SENP7: variants seen among roughly 807,000 people sequenced by gnomAD.
SENP7 encodes SUMO specific peptidase 7.
A neutral mutation model predicts 141.2 loss-of-function variants in SENP7; 64 were observed. The observed-to-expected ratio is 0.45, with a 90% CI of 0.37 to 0.56. SENP7 has a LOEUF of 0.56. Among genes scored for constraint, SENP7 ranks in the 20% least tolerant of loss-of-function variants. The pLI is 0.00. For missense variants in SENP7, 1,025 were observed against 1,212.2 expected, an observed-to-expected ratio of 0.85 and a Z score of 2.29; for synonymous variants, 382 against 426.4, an observed-to-expected ratio of 0.90 and a Z score of 1.28.
At chr3:101,512,939 A>C in intron 1 of SENP7, 152 bp downstream of exon 1, 33 of 806,310 alleles carry the variant, frequency 4.1e-5, no homozygotes, top group Non-Finnish European at 6.3e-5. Flanking sequence ...GGCGGGGGCG[A>C]CCCGGGAGCC....
chr3:101,426,404 A>G (rs1419289491), intron 4 of SENP7, among the ~76,000 whole-genome samples: 1 of 152,232 alleles, frequency 6.6e-6, no homozygotes, highest in Admixed American at 6.5e-5. Flanking sequence ...ACAGTATTCA[A>G]TGTTCTTAAA....
At chr3:101,499,098 CTCTGTAAAATT>C (rs1170183485) in intron 2 of SENP7, among the ~76,000 whole-genome samples, 1 of 152,022 alleles carries the variant, frequency 6.6e-6, no homozygotes, top group Non-Finnish European at 1.5e-5. Context: ...TTTACAGGAA[CTCTGTAAAATT>C]TCTGTAACTT....
intron 6 of SENP7, among the ~76,000 whole-genome samples, chr3:101,375,624 C>T (rs2060306250): frequency 6.6e-6 from 1 of 150,944 alleles, no homozygotes; most frequent in Admixed American, 6.6e-5. Flanking sequence ...AGGTATATAC[C>T]CAAAGGAATT....
chr3:101,485,874 T>G lies in SENP7; in HGVS notation c.186+7999A>C, dbSNP rs375595840. On this transcript the variant is annotated intron_variant, in intron 3 of 23. Transcript: ENST00000394095. ...GAAATCCAAAAAATGATACAAGAAG[T>G]GAAGGGAGAAATATTCAAGGAAATA... Among the ~76,000 whole-genome samples, 28 of 151,352 alleles carry G rather than the reference T, an allele frequency of 1.8e-4. No individual in the cohort carries two copies. In the South Asian group the frequency reaches 5.6e-3, roughly 31 times the overall value.
chr3:101,458,231 T>C (rs912020734), intron 4 of SENP7, among the ~76,000 whole-genome samples: 1 of 152,242 alleles, frequency 6.6e-6, no homozygotes, highest in Admixed American at 6.5e-5. Flanking sequence ...AGAATTAGAC[T>C]AAGTAGTTTA....
chr3:101,447,115 A>G (rs10936631), intron 4 of SENP7, among the ~76,000 whole-genome samples: 60,352 of 152,058 alleles, frequency 0.4, 12,494 homozygotes, highest in Admixed American at 0.54. Context: ...ATCAACAACT[A>G]TATGCTAAAA....
chr3:101,384,949 T>C (rs1293334608), intron 6 of SENP7, among the ~76,000 whole-genome samples: 2 of 152,190 alleles, frequency 1.3e-5, no homozygotes, highest in Admixed American at 1.3e-4. Context: ...GTATTGGGTA[T>C]TTCACTAATA....
At chr3:101,493,595 G>A (rs1285979369) in intron 3 of SENP7, among the ~76,000 whole-genome samples, 5 of 150,952 alleles carry the variant, frequency 3.3e-5, no homozygotes, top group Admixed American at 6.7e-5. Flanking sequence ...AAACATTATC[G>A]TTTTAGTAAA....
intron 4 of SENP7, among the ~76,000 whole-genome samples, chr3:101,445,674 A>G (rs917539642): frequency 6.6e-6 from 1 of 152,186 alleles, no homozygotes; most frequent in African/African-American, 2.4e-5. Context: ...ACATAAACTG[A>G]AAGTGAAGGG....
At chr3:101,374,327 T>C (rs2060259327) in intron 6 of SENP7, among the ~76,000 whole-genome samples, 1 of 152,142 alleles carries the variant, frequency 6.6e-6, no homozygotes. Flanking sequence ...AACACCTAAA[T>C]ATAAGGCAGA....
intron 4 of SENP7, among the ~76,000 whole-genome samples, chr3:101,423,961 T>C (rs1228997391): frequency 6.6e-6 from 1 of 152,046 alleles, no homozygotes; most frequent in African/African-American, 2.4e-5. Context: ...CCCAGAAGGT[T>C]TGGTGCGGGA....
intron 4 of SENP7, among the ~76,000 whole-genome samples, chr3:101,450,891 C>CA (rs1315282973): frequency 6.6e-6 from 1 of 151,762 alleles, no homozygotes; most frequent in Non-Finnish European, 1.5e-5. Flanking sequence ...AATAGAGACC[C>CA]AAAAAACCCT....
chr3:101,392,038 T>G (rs1330940093), intron 6 of SENP7, among the ~76,000 whole-genome samples: 1 of 151,930 alleles, frequency 6.6e-6, no homozygotes, highest in African/African-American at 2.4e-5. Context: ...ATAAAAACCC[T>G]CAAAATAATA....
chr3:101,355,912 A>G lies in SENP7; in HGVS notation c.1624-4261T>C, dbSNP rs1330429236. Among the ~76,000 whole-genome samples the G allele has an allele frequency of 2.0e-5, 3 of 152,104 alleles. No individual in the cohort carries two copies. The East Asian group carries it at 5.8e-4, about 29-fold the overall frequency. Reference sequence around the variant, plus strand: ...AGCAGTGTTTTGCAGTTTTCATTGTAGAGATCTTTCACCTCCCTGGTTAGC... The same window carrying G: ...AGCAGTGTTTTGCAGTTTTCATTGTGGAGATCTTTCACCTCCCTGGTTAGC... On this transcript the variant is annotated intron_variant, in intron 11 of 23. Coordinates refer to ENST00000394095, the MANE Select transcript of SENP7 (RefSeq NM_020654.5).
rs145038020 is a variant in SENP7 at position 101,429,858 on chromosome 3, T to C, written c.285-12068A>G. ...AAATAGCTCTTATTATTTTGAGATA[T>C]GTTCCATCGATACCTAGTTTACTGA... On this transcript the variant is annotated intron_variant, in intron 4 of 23. Transcript: ENST00000394095. 6.0e-3 allele frequency among the ~76,000 whole-genome samples: 907 copies of C among 152,332 alleles called. 3 individuals are homozygous for C. Among genetic ancestry groups the C allele is most frequent in the Non-Finnish European group, 9.8e-3 (665 of 68,026 alleles).
chr3:101,498,893 T>C lies in SENP7; in HGVS notation c.90+2177A>G, dbSNP rs369054599. ...TCATGAGAACCCAATGCCTGAAAAT[T>C]TGAGGTAGAACAGTTTCATCCCGAA... is the stretch of plus-strand genomic sequence containing the variant. On this transcript the variant is annotated intron_variant, in intron 2 of 23. Coordinates refer to ENST00000394095, the MANE Select transcript of SENP7 (RefSeq NM_020654.5). Among the ~76,000 whole-genome samples, 10 of 152,230 alleles carry C rather than the reference T, an allele frequency of 6.6e-5. No individual in the cohort carries two copies. In the East Asian group the frequency reaches 1.3e-3, roughly 21 times the overall value.
At chr3:101,402,445 G>C (rs902555781) in intron 5 of SENP7, among the ~76,000 whole-genome samples, 2 of 151,908 alleles carry the variant, frequency 1.3e-5, no homozygotes, top group Non-Finnish European at 2.9e-5. Flanking sequence ...CCAACATGGT[G>C]AAACCCCACC....
At chr3:101,398,281 A>C (rs966826849) in intron 6 of SENP7, among the ~76,000 whole-genome samples, 12 of 152,148 alleles carry the variant, frequency 7.9e-5, no homozygotes, top group Admixed American at 6.5e-5. Flanking sequence ...AACACGGTGA[A>C]ACCCTGTCTC....
intron 4 of SENP7, among the ~76,000 whole-genome samples, chr3:101,432,281 C>CACT (rs2062210213): frequency 3.9e-5 from 6 of 152,156 alleles, no homozygotes; most frequent in Admixed American, 3.3e-4. Context: ...TACAATAGAA[C>CACT]ACTAGGTAGA....
Sources: gnomAD v4.1 joint callset for allele counts (sites outside exome capture counted in the v4.1 genomes callset) on GRCh38, gnomAD v4.1.1 for gene constraint, MANE v1.5 for transcripts, NCBI Gene and HGNC (gene_info 2026-07-23, HGNC 2026-07-21) for gene names.